The following SGTB variants were observed in gnomAD, a reference collection of about 807,000 sequenced individuals.
The protein encoded by SGTB is small glutamine rich tetratricopeptide repeat co-chaperone beta.
Under a neutral mutation model 43.9 loss-of-function variants are expected in SGTB, and 19 were observed. The observed-to-expected ratio is 0.43, with a 90% CI of 0.30 to 0.63. SGTB has a LOEUF of 0.63. Ranked by LOEUF, SGTB falls within the 30% of genes least tolerant of loss-of-function variation. SGTB has a pLI of 0.12. For synonymous variants in SGTB, 116 were observed against 117.3 expected (o/e 0.99, Z 0.07); for missense variants, 304 against 358.9 (o/e 0.85, Z 1.24).
chr5:65,701,078 G>A (rs1742871374), intron 5 of SGTB, among the ~76,000 whole-genome samples: 1 of 143,450 alleles, frequency 7.0e-6, no homozygotes. Flanking sequence ...AAAACCAACC[G>A]ACAGAAGCTA....
intron 5 of SGTB, among the ~76,000 whole-genome samples, chr5:65,699,445 C>A (rs1181384194): frequency 6.6e-6 from 1 of 152,172 alleles, no homozygotes; most frequent in Non-Finnish European, 1.5e-5. Context: ...ATGTACACTA[C>A]TCGGGTGATA....
chr5:65,702,749 T>C (rs1757848013), intron 5 of SGTB, among the ~76,000 whole-genome samples: 1 of 152,088 alleles, frequency 6.6e-6, no homozygotes, highest in Non-Finnish European at 1.5e-5. Context: ...TATATGAATT[T>C]TAAGGGGATA....
chr5:65,701,303 T>A (rs1757812517), intron 5 of SGTB, among the ~76,000 whole-genome samples: 1 of 152,062 alleles, frequency 6.6e-6, no homozygotes, highest in South Asian at 2.1e-4. Context: ...TAAAAGGTGA[T>A]AAGGCCGTTA....
In SGTB at chr5:65,708,532, T is replaced by G. The variant is rs1426632155; in HGVS notation, c.231A>C (p.Ser77=). ...CAGCTTTTCCCACATCTTCAGGCAC[T>G]GAGTTTGAAAGGGGCAGAACGTCAT... ...CKNDVLPLSN[S]VPEDVGKADQ... The change falls in exon 4 of 11, where the codon TCA becomes TCC. Residue 77 remains serine, a synonymous_variant. Transcript: ENST00000381007. 1 of 1,613,542 alleles carries G rather than the reference T, an allele frequency of 6.2e-7. No homozygotes were observed. Among genetic ancestry groups the G allele is most frequent in the Non-Finnish European group, 8.5e-7 (1 of 1,179,874 alleles).
Position 65,668,869 on chromosome 5 carries a change from C to T in SGTB, c.*1377G>A, listed in dbSNP as rs1426429329. ...GTTGCAGTGAGCTGACATTGCAACA[C>T]CACTCTAGCCTGGCAAAAGAGTAAG... On this transcript the variant is annotated 3_prime_UTR_variant, in exon 11 of 11. Transcript: ENST00000381007. 1 of 151,994 alleles carries T rather than the reference C, an allele frequency of 6.6e-6. No individual in the cohort carries two copies. The highest frequency in any genetic ancestry group is 1.5e-5 in the Non-Finnish European group (1 of 68,018). The allele number at this position is 151,994 out of a possible 1,614,324, so 9.4% of individuals were successfully genotyped here. A position where few individuals can be genotyped will look rare whatever the true frequency, so the allele number is the denominator to read the frequency against.
intron 8 of SGTB, among the ~76,000 whole-genome samples, chr5:65,673,905 C>G (rs1757212704): frequency 6.6e-6 from 1 of 152,192 alleles, no homozygotes; most frequent in Non-Finnish European, 1.5e-5. Context: ...CTCCGCCCAT[C>G]TTAGCCTCCC....
chr5:65,675,332 C>A (rs1012042956), intron 8 of SGTB, among the ~76,000 whole-genome samples: 2 of 152,108 alleles, frequency 1.3e-5, no homozygotes, highest in Non-Finnish European at 2.9e-5. Flanking sequence ...CCACAATGGC[C>A]AAATACTCAA....
Position 65,710,888 on chromosome 5 carries a change from C to T in SGTB, c.204+2073G>A, listed in dbSNP as rs1017564816. Among the ~76,000 whole-genome samples, 10 of 150,748 alleles carry T rather than the reference C, an allele frequency of 6.6e-5. No homozygotes were observed. In the East Asian group the frequency reaches 1.4e-3, roughly 21 times the overall value. On this transcript the variant is annotated intron_variant, in intron 3 of 10. Transcript: ENST00000381007. ...GCGGGTGCCTGTAATCCCAGCTATTCGGGAGGCTGAGGCAGGAGAATCACT... is the reference window on the plus strand; with the variant it reads ...GCGGGTGCCTGTAATCCCAGCTATTTGGGAGGCTGAGGCAGGAGAATCACT...
At chr5:65,705,188 A>G (rs1194847610) in intron 4 of SGTB, among the ~76,000 whole-genome samples, 1 of 152,162 alleles carries the variant, frequency 6.6e-6, no homozygotes, top group Non-Finnish European at 1.5e-5. Context: ...TATGCCTGTA[A>G]TCCCAACACT....
chr5:65,685,337 G>T, intron 6 of SGTB, 31 bp downstream of exon 6: 1 of 1,587,012 alleles, frequency 6.3e-7, no homozygotes, highest in Non-Finnish European at 8.7e-7. Flanking sequence ...ATGCTACATG[G>T]TACTACTTGG....
upstream of SGTB, chr5:65,722,544 G>A (rs1398683210): frequency 1.2e-5 from 10 of 840,132 alleles, no homozygotes; most frequent in Non-Finnish European, 1.8e-5. Flanking sequence ...CCCTCCCCGC[G>A]GCTTGCAAGG....
chr5:65,701,278 G>C (rs1350280946), intron 5 of SGTB, among the ~76,000 whole-genome samples: 2 of 151,930 alleles, frequency 1.3e-5, no homozygotes, highest in Non-Finnish European at 2.9e-5. Flanking sequence ...TCAAACCTAA[G>C]AACCTACTAT....
At chr5:65,720,628 GATC>G (rs1758250016) in intron 2 of SGTB, 77 bp downstream of exon 2, 6 of 1,506,622 alleles carry the variant, frequency 4.0e-6, no homozygotes, top group Non-Finnish European at 4.5e-6. Context: ...TGTTACAATA[GATC>G]ATCAAGTTGG....
At chr5:65,685,008 C>T (rs1757472270) in intron 6 of SGTB, among the ~76,000 whole-genome samples, 1 of 151,992 alleles carries the variant, frequency 6.6e-6, no homozygotes, top group Non-Finnish European at 1.5e-5. Flanking sequence ...TTGAGAGTCA[C>T]CAGAGAGGGG....
At chr5:65,701,052 G>A (rs992811331) in intron 5 of SGTB, among the ~76,000 whole-genome samples, 1 of 147,360 alleles carries the variant, frequency 6.8e-6, no homozygotes, top group South Asian at 2.1e-4. Context: ...TAATTATTCC[G>A]GAATTACCCT....
chr5:65,675,159 C>G (rs1221479978), intron 8 of SGTB, among the ~76,000 whole-genome samples: 1 of 152,136 alleles, frequency 6.6e-6, no homozygotes, highest in African/African-American at 2.4e-5. Flanking sequence ...ACATATTGGA[C>G]CAGAGCGTGT....
chr5:65,689,806 A>G (rs1178016911), intron 5 of SGTB, among the ~76,000 whole-genome samples: 1 of 152,142 alleles, frequency 6.6e-6, no homozygotes, highest in South Asian at 2.1e-4. Context: ...TTTTCTGCCA[A>G]TCTTTCTTCA....
intron 8 of SGTB, among the ~76,000 whole-genome samples, chr5:65,673,793 T>C (rs1274670862): frequency 6.6e-6 from 1 of 152,014 alleles, no homozygotes; most frequent in Non-Finnish European, 1.5e-5. Context: ...GTAGCTGGGA[T>C]TACAGGCATG....
At chr5:65,698,634 C>G (rs1056240586) in intron 5 of SGTB, among the ~76,000 whole-genome samples, 1 of 152,148 alleles carries the variant, frequency 6.6e-6, no homozygotes, top group African/African-American at 2.4e-5. Flanking sequence ...GCAAACTGTG[C>G]ATCCAACAAA....
Sources: gnomAD v4.1 joint callset for allele counts (sites outside exome capture counted in the v4.1 genomes callset) on GRCh38, gnomAD v4.1.1 for gene constraint, MANE v1.5 for transcripts, NCBI Gene and HGNC (gene_info 2026-07-23, HGNC 2026-07-21) for gene names.